Variants in GLDC observed in about 807,000 individuals in gnomAD.
GLDC encodes the protein glycine dehydrogenase (decarboxylating), mitochondrial.
Under a neutral mutation model 121.3 loss-of-function variants are expected in GLDC, and 104 were observed. The ratio of observed to expected loss-of-function variants is 0.86; its 90% CI spans 0.73 to 1.01. The LOEUF (loss-of-function observed/expected upper bound fraction) is 1.01, where lower values mean the gene tolerates loss of function less well. Among genes scored for constraint, GLDC ranks in the 50% least tolerant of loss-of-function variants. The probability of loss-of-function intolerance (pLI) is 0.00; values close to 1 mark genes in which losing one functional copy is unlikely to be tolerated. For missense variants in GLDC, 1,429 were observed against 1,306.6 expected (o/e 1.09, Z -1.44); for synonymous variants, 546 against 480.6 (o/e 1.14, Z -1.78).
rs536354381 is a variant in GLDC, at chr9:6,625,400, AAAT to A, written c.335-5084_335-5082del. On this transcript the variant is annotated intron_variant, in intron 2 of 24. Coordinates refer to ENST00000321612, the MANE Select transcript of GLDC (RefSeq NM_000170.3). ...TTTATTTGGCTGCATGCCTGGAGAAAAATAATATTATAGTAGTTGAAATAATTA... is the reference window on the plus strand; with the variant it reads ...TTTATTTGGCTGCATGCCTGGAGAAAAATATTATAGTAGTTGAAATAATTA... Among the ~76,000 whole-genome samples the A allele has an allele frequency of 1.7e-3, 266 of 152,314 alleles. 1 individual carries two copies. Among genetic ancestry groups the A allele is most frequent in the African/African-American group, 6.3e-3 (260 of 41,566 alleles).
intron 8 of GLDC, among the ~76,000 whole-genome samples, chr9:6,596,320 A>G (rs1818493572): frequency 6.6e-6 from 1 of 152,244 alleles, no homozygotes; most frequent in Non-Finnish European, 1.5e-5. Flanking sequence ...CTGAACAACA[A>G]ATTGATGAGA....
intron 2 of GLDC, among the ~76,000 whole-genome samples, chr9:6,622,267 G>A (rs976979903): frequency 2.1e-5 from 3 of 141,420 alleles, no homozygotes; most frequent in Admixed American, 1.4e-4. Flanking sequence ...CTCTCCCCAC[G>A]GTCTCCCTCT....
At chr9:6,616,090 T>C (rs1818962556) in intron 3 of GLDC, among the ~76,000 whole-genome samples, 1 of 152,202 alleles carries the variant, frequency 6.6e-6, no homozygotes, top group African/African-American at 2.4e-5. Flanking sequence ...CAAGCCACCA[T>C]GCCTGGCTTA....
chr9:6,644,641 T>G lies in GLDC; in HGVS notation c.307A>C (p.Arg103=), dbSNP rs781076791. 1 of 1,613,174 alleles carries G rather than the reference T, an allele frequency of 6.2e-7. No homozygotes were observed. Among genetic ancestry groups the G allele is most frequent in the Admixed American group, 1.7e-5 (1 of 60,028 alleles). The part of the protein sequence containing the change: ...KTVPANIRLK[R]PLKMEDPVCE... ...ACAGGGTCTTCCATTTTCAAGGGTC[T>G]TTTCAAACGGATGTTGGCAGGGACC... Residue 103 remains arginine, a synonymous_variant, in exon 2 of 25, where the codon AGA becomes CGA. Coordinates refer to ENST00000321612, the MANE Select transcript of GLDC (RefSeq NM_000170.3).
rs1383579539 is a variant in GLDC, at chr9:6,532,672, C to A, written c.*345G>T. 2.6e-5 allele frequency: 8 copies of A among 311,176 alleles called. No homozygotes were observed. The Admixed American group carries it at 3.4e-4, about 13-fold the overall frequency. The allele number at this position is 311,176 out of a possible 1,614,324, so 19.3% of individuals were successfully genotyped here. A position where few individuals can be genotyped will look rare whatever the true frequency, so the allele number is the denominator to read the frequency against. ...ACAGTCCACATGGACTCTTTTGGAA[C>A]AAAAAAATGTCTATTAAGTCTCCAG... On this transcript the variant is annotated 3_prime_UTR_variant, in exon 25 of 25. Coordinates refer to ENST00000321612, the MANE Select transcript of GLDC (RefSeq NM_000170.3).
At chr9:6,541,167 C>G (rs1563829473) in intron 21 of GLDC, 1 of 152,154 alleles carries the variant, frequency 6.6e-6, no homozygotes, top group Non-Finnish European at 1.5e-5. Flanking sequence ...AGTTCATAAA[C>G]AGGCTTCTTC....
At chr9:6,621,610 C>G (rs186184510) in intron 2 of GLDC, among the ~76,000 whole-genome samples, 152 of 152,216 alleles carry the variant, frequency 1.0e-3, no homozygotes, top group African/African-American at 3.5e-3. Flanking sequence ...CTCCACCTCC[C>G]AGGTTCAAGC....
At chr9:6,538,094 A>C (rs952136438) in intron 22 of GLDC, among the ~76,000 whole-genome samples, 1 of 151,418 alleles carries the variant, frequency 6.6e-6, no homozygotes, top group Non-Finnish European at 1.5e-5. Context: ...CACCTTTGTC[A>C]CTCAAACCAG....
rs771899819 is a variant in GLDC, at chr9:6,610,263, G to A, written c.564C>T (p.Gly188=). ...GCAGGGATGCATTGGCCATGTCCAGGCCTGTGATGTCACACACCATGGTCT... is the reference window on the plus strand; with the variant it reads ...GCAGGGATGCATTGGCCATGTCCAGACCTGTGATGTCACACACCATGGTCT... ...NYQTMVCDIT[G]LDMANASLLD... The change falls in exon 4 of 25, where the codon GGC becomes GGT. Residue 188 remains glycine (G), a synonymous_variant. Transcript: ENST00000321612. The A allele has an allele frequency of 2.5e-6, 4 of 1,613,976 alleles. No homozygotes were observed. Among genetic ancestry groups the A allele is most frequent in the Non-Finnish European group, 3.4e-6 (4 of 1,179,906 alleles).
At chr9:6,626,114 G>A (rs970893906) in intron 2 of GLDC, among the ~76,000 whole-genome samples, 1 of 151,616 alleles carries the variant, frequency 6.6e-6, no homozygotes, top group Admixed American at 6.6e-5. Flanking sequence ...CAGACTTTTG[G>A]AAGGTCTCTT....
intron 2 of GLDC, 89 bp from the exon 3 acceptor site, chr9:6,620,408 T>C: frequency 9.0e-7 from 1 of 1,114,008 alleles, no homozygotes; most frequent in Non-Finnish European, 1.4e-6. Flanking sequence ...TGTTTGAGTA[T>C]TTATGACAGA....
At chr9:6,552,666 G>C (rs1328226248) in intron 20 of GLDC, among the ~76,000 whole-genome samples, 1 of 152,162 alleles carries the variant, frequency 6.6e-6, no homozygotes, top group Non-Finnish European at 1.5e-5. Flanking sequence ...GAGGGGCACT[G>C]CTTTGGGGAG....
intron 11 of GLDC, among the ~76,000 whole-genome samples, chr9:6,589,535 C>A (rs912480940): frequency 9.2e-5 from 14 of 152,140 alleles, no homozygotes; most frequent in Non-Finnish European, 7.4e-5. Context: ...GGGCTCAATC[C>A]TCCTACCTCA....
chr9:6,624,557 C>A (rs1326789452), intron 2 of GLDC, among the ~76,000 whole-genome samples: 1 of 152,142 alleles, frequency 6.6e-6, no homozygotes, highest in African/African-American at 2.4e-5. Context: ...TGGGAGTGAA[C>A]AGGTTCCTGT....
intron 7 of GLDC, among the ~76,000 whole-genome samples, chr9:6,604,080 C>A (rs1818681109): frequency 6.6e-6 from 1 of 151,636 alleles, no homozygotes; most frequent in African/African-American, 2.4e-5. Context: ...TACTTCTGAA[C>A]ATCTACGTTT....
chr9:6,585,431 T>C (rs1818249477), intron 15 of GLDC, among the ~76,000 whole-genome samples: 1 of 152,210 alleles, frequency 6.6e-6, no homozygotes, highest in Admixed American at 6.5e-5. Flanking sequence ...AGTAATGAAG[T>C]TCTAAAGAAG....
At chr9:6,609,825 T>A (rs1433139163) in intron 4 of GLDC, among the ~76,000 whole-genome samples, 2 of 152,070 alleles carry the variant, frequency 1.3e-5, no homozygotes, top group Non-Finnish European at 2.9e-5. Flanking sequence ...CCCCCAGGCC[T>A]GCGCTTGGCT....
intron 3 of GLDC, among the ~76,000 whole-genome samples, chr9:6,612,249 T>TCA (rs1348451536): frequency 4.0e-5 from 5 of 125,956 alleles, no homozygotes; most frequent in African/African-American, 1.1e-4. Context: ...TCTCTCTCTC[T>TCA]CTCTCACACA....
rs1447727878 is a variant in GLDC, at chr9:6,550,902, T to G, written c.2470A>C (p.Lys824Gln). The change falls in exon 21 of 25, where the codon AAG (lysine) becomes CAG (glutamine). Residue 824 changes from lysine to glutamine, a missense_variant. Transcript: ENST00000321612. ...SWAYIKMMGG[K>Q]GLKQATETAI... is the part of the protein sequence containing the mutation. ...GTTTCCGTGGCTTGTTTAAGACCCT[T>G]GCCTCCCATCATCTGCAACAAAGGG... 2 of 1,608,236 alleles carry G rather than the reference T, an allele frequency of 1.2e-6. No homozygotes were observed. Among genetic ancestry groups the G allele is most frequent in the Non-Finnish European group, 1.7e-6 (2 of 1,174,668 alleles).
Sources: gnomAD v4.1 joint callset for allele counts (sites outside exome capture counted in the v4.1 genomes callset) on GRCh38, gnomAD v4.1.1 for gene constraint, MANE v1.5 for transcripts, NCBI Gene and HGNC (gene_info 2026-07-23, HGNC 2026-07-21) for gene names.